FAM168A: variants seen among roughly 807,000 people sequenced by gnomAD.
FAM168A encodes family with sequence similarity 168 member A.
Under a neutral mutation model 28.5 loss-of-function variants are expected in FAM168A, and 3 were observed. That is an observed-to-expected ratio of 0.11 (90% confidence interval 0.05 to 0.27). FAM168A has a LOEUF of 0.27. FAM168A is among the 10% of genes least tolerant of loss of function. FAM168A has a pLI of 1.00. For missense variants in FAM168A, 222 were observed against 311.5 expected, an observed-to-expected ratio of 0.71 and a Z score of 2.16; for synonymous variants, 122 against 124.2, an observed-to-expected ratio of 0.98 and a Z score of 0.12.
chr11:73,413,189 G>C (rs543165315), intron 4 of FAM168A, among the ~76,000 whole-genome samples: 2 of 151,874 alleles, frequency 1.3e-5, no homozygotes, highest in African/African-American at 4.8e-5. Flanking sequence ...GACTCAGGAG[G>C]ATAGGAGAGC....
intron 4 of FAM168A, among the ~76,000 whole-genome samples, chr11:73,419,032 A>G (rs1322815135): frequency 3.3e-5 from 5 of 151,974 alleles, no homozygotes; most frequent in Admixed American, 6.6e-5. Flanking sequence ...GGATGGTCTC[A>G]ATCTCCTGAC....
intron 3 of FAM168A, among the ~76,000 whole-genome samples, chr11:73,423,279 T>G (rs889626104): frequency 6.6e-6 from 1 of 152,190 alleles, no homozygotes; most frequent in African/African-American, 2.4e-5. Flanking sequence ...TGCTTCCTCA[T>G]GTTAAATCTG....
In FAM168A at chr11:73,484,536, C is replaced by A. The variant is rs1404042961; in HGVS notation, c.-18-16044G>T. On this transcript the variant is annotated intron_variant, in intron 1 of 7. Coordinates refer to ENST00000356467, the MANE Select transcript of FAM168A (RefSeq NM_015159.3). ...TATATAGATATATATATCTATATATCTATATATCTATCTATATCTATATAT... is the reference window on the plus strand; with the variant it reads ...TATATAGATATATATATCTATATATATATATATCTATCTATATCTATATAT... Among the ~76,000 whole-genome samples the A allele has an allele frequency of 4.8e-3, 687 of 143,730 alleles. 7 individuals carry two copies. The highest frequency in any genetic ancestry group is 0.015 in the African/African-American group (588 of 38,340). The allele number at this position is 143,730 out of a possible 152,430, so 94.3% of individuals were successfully genotyped here.
chr11:73,482,391 C>T (rs1867979889), intron 1 of FAM168A, among the ~76,000 whole-genome samples: 1 of 151,686 alleles, frequency 6.6e-6, no homozygotes. Flanking sequence ...GATAGAAAGA[C>T]CGACAAATAA....
At chr11:73,537,423 T>C (rs1943596353) in intron 1 of FAM168A, among the ~76,000 whole-genome samples, 1 of 152,076 alleles carries the variant, frequency 6.6e-6, no homozygotes, top group South Asian at 2.1e-4. Flanking sequence ...TAGCCGGGCA[T>C]GGTGGCATGC....
chr11:73,553,720 G>A (rs1469399134), intron 1 of FAM168A, among the ~76,000 whole-genome samples: 1 of 151,292 alleles, frequency 6.6e-6, no homozygotes, highest in Non-Finnish European at 1.5e-5. Flanking sequence ...AGTGGCTCAT[G>A]TATGTAACCC....
At chr11:73,537,985 C>G (rs1347791488) in intron 1 of FAM168A, among the ~76,000 whole-genome samples, 2 of 152,198 alleles carry the variant, frequency 1.3e-5, no homozygotes, top group African/African-American at 4.8e-5. Flanking sequence ...CAACTTAACA[C>G]TTGATCCTTT....
At chr11:73,430,358 C>G in intron 3 of FAM168A, 1 of 313,262 alleles carries the variant, frequency 3.2e-6, no homozygotes, top group Non-Finnish European at 6.3e-6. Context: ...GTCCCAATGG[C>G]AGCCTCAGGG....
chr11:73,570,857 C>G (rs1944077926), intron 1 of FAM168A, among the ~76,000 whole-genome samples: 2 of 152,012 alleles, frequency 1.3e-5, no homozygotes, highest in Admixed American at 1.3e-4. Context: ...GATAAAGTAA[C>G]TCAGGCTGAT....
intron 2 of FAM168A, among the ~76,000 whole-genome samples, chr11:73,445,907 T>A (rs1052378130): frequency 6.6e-6 from 1 of 152,158 alleles, no homozygotes; most frequent in Non-Finnish European, 1.5e-5. Flanking sequence ...GTTTTACAAG[T>A]GGGAAAACTG....
chr11:73,513,715 C>T (rs1855274096), intron 1 of FAM168A, among the ~76,000 whole-genome samples: 1 of 152,110 alleles, frequency 6.6e-6, no homozygotes, highest in South Asian at 2.1e-4. Flanking sequence ...TTCAACAAAT[C>T]GTTTTTATAT....
intron 4 of FAM168A, among the ~76,000 whole-genome samples, chr11:73,416,136 T>C (rs1005139959): frequency 6.6e-6 from 1 of 152,358 alleles, no homozygotes; most frequent in Non-Finnish European, 1.5e-5. Flanking sequence ...ATTAGATCAC[T>C]CGAAGTCCCA....
chr11:73,578,119 A>G (rs1944197348), intron 1 of FAM168A, among the ~76,000 whole-genome samples: 1 of 152,216 alleles, frequency 6.6e-6, no homozygotes, highest in Non-Finnish European at 1.5e-5. Flanking sequence ...CTTTATACAC[A>G]TTAATCCTAA....
chr11:73,544,210 C>T (rs932382830), intron 1 of FAM168A, among the ~76,000 whole-genome samples: 5 of 152,104 alleles, frequency 3.3e-5, no homozygotes, highest in South Asian at 2.1e-4. Context: ...ACCAGGGAAA[C>T]GCACATCAAA....
intron 2 of FAM168A, among the ~76,000 whole-genome samples, chr11:73,455,272 G>T (rs995786517): frequency 7.2e-5 from 11 of 152,204 alleles, no homozygotes; most frequent in African/African-American, 4.8e-5. Flanking sequence ...AGCAGAGTTT[G>T]TTCCTGCCAG....
chr11:73,441,633 G>A (rs1867197229), intron 2 of FAM168A, among the ~76,000 whole-genome samples: 1 of 152,200 alleles, frequency 6.6e-6, no homozygotes, highest in Non-Finnish European at 1.5e-5. Flanking sequence ...ACTCACCAAT[G>A]ACGCCATCTG....
At chr11:73,594,691 G>C (rs1944424213) in intron 1 of FAM168A, among the ~76,000 whole-genome samples, 1 of 152,050 alleles carries the variant, frequency 6.6e-6, no homozygotes, top group African/African-American at 2.4e-5. Context: ...CGTGCTACCA[G>C]CTAATTTTTG....
intron 2 of FAM168A, among the ~76,000 whole-genome samples, chr11:73,441,347 A>G (rs1263950438): frequency 2.0e-5 from 3 of 152,178 alleles, no homozygotes; most frequent in African/African-American, 4.8e-5. Flanking sequence ...GTGAGCCACC[A>G]CACCCAGTCT....
chr11:73,497,454 C>CAA (rs749266282), intron 1 of FAM168A, among the ~76,000 whole-genome samples: 1 of 139,020 alleles, frequency 7.2e-6, no homozygotes, highest in African/African-American at 2.7e-5. Context: ...TACCCCCCCT[C>CAA]AAAAAAAAAA....
Sources: gnomAD v4.1 joint callset for allele counts (sites outside exome capture counted in the v4.1 genomes callset) on GRCh38, gnomAD v4.1.1 for gene constraint, MANE v1.5 for transcripts, NCBI Gene and HGNC (gene_info 2026-07-23, HGNC 2026-07-21) for gene names.